CSTPP1: variants seen among roughly 807,000 people sequenced by gnomAD.
CSTPP1 encodes centriolar satellite-associated tubulin polyglutamylase complex regulator 1, also known as UPF0705 protein C11orf49.
the CSTPP1 span, chr11:46,948,129 A>C: frequency 2.2e-6 from 1 of 456,172 alleles, no homozygotes; most frequent in Non-Finnish European, 4.4e-6. Flanking sequence ...GGTCGGCTCC[A>C]TGGTTCTCAT....
the CSTPP1 span, among the ~76,000 whole-genome samples, chr11:47,013,070 TTTATTATATAAATAACATATAATCATATA>T: frequency 1.6e-4 from 24 of 145,676 alleles, no homozygotes; most frequent in East Asian, 4.1e-3. Context: ...ACATATATAT[TTTATTATATAAATAACATATAATCATATA>T]TTATTATATA....
At chr11:47,031,802 A>G in the CSTPP1 span, among the ~76,000 whole-genome samples, 3 of 151,404 alleles carry the variant, frequency 2.0e-5, no homozygotes, top group Non-Finnish European at 4.4e-5. Flanking sequence ...GAATAGATTT[A>G]TATATATAAA....
chr11:47,085,868 ACT>A, the CSTPP1 span, among the ~76,000 whole-genome samples: 3 of 148,782 alleles, frequency 2.0e-5, no homozygotes, highest in African/African-American at 7.5e-5. Flanking sequence ...GACGAGTGAA[ACT>A]CTGTCTCAAA....
At chr11:46,965,773 TA>T in the CSTPP1 span, among the ~76,000 whole-genome samples, 1,122 of 152,300 alleles carry the variant, frequency 7.4e-3, 15 homozygotes, top group African/African-American at 0.025. Flanking sequence ...CCTTTTCAGG[TA>T]TTTATTTCAC....
At chr11:47,115,387 A>G in the CSTPP1 span, among the ~76,000 whole-genome samples, 1 of 152,158 alleles carries the variant, frequency 6.6e-6, no homozygotes, top group African/African-American at 2.4e-5. Flanking sequence ...ATTGATTGGA[A>G]TAGTTTCAGA....
chr11:47,129,382 G>A, the CSTPP1 span, among the ~76,000 whole-genome samples: 2 of 152,288 alleles, frequency 1.3e-5, no homozygotes, highest in South Asian at 4.1e-4. Flanking sequence ...TCAATAATGG[G>A]TAGGAAACTG....
the CSTPP1 span, among the ~76,000 whole-genome samples, chr11:47,074,885 T>A: frequency 0.021 from 3,248 of 152,310 alleles, 52 homozygotes; most frequent in Non-Finnish European, 0.033. Context: ...TTCAACAGTA[T>A]TTTTTTAGTG....
At chr11:46,978,095 A>G in the CSTPP1 span, among the ~76,000 whole-genome samples, 1 of 152,238 alleles carries the variant, frequency 6.6e-6, no homozygotes, top group Non-Finnish European at 1.5e-5. Context: ...TCATTAAGTA[A>G]ATATTTGAAT....
the CSTPP1 span, chr11:47,161,190 T>TGTAA: frequency 1.9e-6 from 3 of 1,614,170 alleles, no homozygotes; most frequent in Middle Eastern, 3.3e-4. Context: ...CTGGAACGGC[T>TGTAA]GTAAGTGTCA....
chr11:46,955,172 A>G, the CSTPP1 span, among the ~76,000 whole-genome samples: 22 of 152,180 alleles, frequency 1.4e-4, no homozygotes, highest in African/African-American at 4.6e-4. Context: ...CCACTTTGAC[A>G]TAAGTTTCTA....
chr11:47,097,652 G>A, the CSTPP1 span, among the ~76,000 whole-genome samples: 5 of 92,376 alleles, frequency 5.4e-5, no homozygotes, highest in Admixed American at 9.7e-5. Flanking sequence ...CCCCCCGCCC[G>A]GCCAGCCGCC....
chr11:47,003,902 A>C, the CSTPP1 span, among the ~76,000 whole-genome samples: 1 of 152,216 alleles, frequency 6.6e-6, no homozygotes, highest in East Asian at 1.9e-4. Flanking sequence ...GGTCTAGATT[A>C]TTGCTAGGGA....
At chr11:47,006,143 G>A in the CSTPP1 span, among the ~76,000 whole-genome samples, 3 of 152,112 alleles carry the variant, frequency 2.0e-5, no homozygotes, top group Admixed American at 6.5e-5. Flanking sequence ...AACATTTCCT[G>A]TATCCATAAT....
chr11:47,116,020 T>C, the CSTPP1 span, among the ~76,000 whole-genome samples: 1 of 152,254 alleles, frequency 6.6e-6, no homozygotes, highest in Admixed American at 6.5e-5. Flanking sequence ...GTTGTGTCTT[T>C]GTTCTCACTG....
the CSTPP1 span, among the ~76,000 whole-genome samples, chr11:46,988,594 T>C: frequency 7.9e-6 from 1 of 126,904 alleles, no homozygotes; most frequent in South Asian, 2.8e-4. Flanking sequence ...GGGGAAGAGG[T>C]GGGGATGGTT....
chr11:47,022,358 CTTTTTTTT>C, the CSTPP1 span, among the ~76,000 whole-genome samples: 1 of 48,752 alleles, frequency 2.1e-5, no homozygotes, highest in African/African-American at 9.5e-5. Flanking sequence ...TTCATATGTC[CTTTTTTTT>C]TTTTTTTTTT....
the CSTPP1 span, among the ~76,000 whole-genome samples, chr11:47,099,178 A>G: frequency 6.6e-6 from 1 of 152,168 alleles, no homozygotes; most frequent in Non-Finnish European, 1.5e-5. Context: ...TGAGCGAATT[A>G]TTTATCTTAA....
the CSTPP1 span, among the ~76,000 whole-genome samples, chr11:47,003,750 T>C: frequency 6.6e-6 from 1 of 152,196 alleles, no homozygotes. Flanking sequence ...GCTGCAACAA[T>C]AGATAATACT....
At chr11:47,045,547 C>T in the CSTPP1 span, among the ~76,000 whole-genome samples, 1 of 152,146 alleles carries the variant, frequency 6.6e-6, no homozygotes, top group Non-Finnish European at 1.5e-5. Flanking sequence ...CTGGTTTGTG[C>T]AACCTTTATA....
Sources: gnomAD v4.1 joint callset for allele counts (sites outside exome capture counted in the v4.1 genomes callset) on GRCh38, gnomAD v4.1.1 for gene constraint, MANE v1.5 for transcripts, NCBI Gene and HGNC (gene_info 2026-07-23, HGNC 2026-07-21) for gene names.